Variants in CCDC146 observed in about 807,000 individuals in gnomAD.
CCDC146 encodes coiled-coil domain containing 146.
Under a neutral mutation model 119.3 loss-of-function variants are expected in CCDC146, and 92 were observed. The ratio of observed to expected loss-of-function variants is 0.77; its 90% confidence interval spans 0.65 to 0.92. The LOEUF (loss-of-function observed/expected upper bound fraction) is 0.92, where lower values mean the gene tolerates loss of function less well. CCDC146 is among the 40% of genes least tolerant of loss of function. CCDC146 has a pLI of 0.00. For missense variants in CCDC146, 1,000 were observed against 1,103.0 expected (o/e 0.91, Z 1.32); for synonymous variants, 372 against 371.8 (o/e 1.00, Z -0.01).
At chr7:77,188,022 G>A (rs973276462) in intron 2 of CCDC146, among the ~76,000 whole-genome samples, 4 of 152,196 alleles carry the variant, frequency 2.6e-5, no homozygotes, top group Admixed American at 1.3e-4. Flanking sequence ...GGCAAATGCC[G>A]AGCTGTAACC....
At chr7:77,247,427 G>A (rs1207646706) in intron 4 of CCDC146, among the ~76,000 whole-genome samples, 1 of 152,144 alleles carries the variant, frequency 6.6e-6, no homozygotes, top group Non-Finnish European at 1.5e-5. Context: ...CCGAGGTGTA[G>A]GATCAATACC....
chr7:77,149,060 C>T (rs1222401186), intron 1 of CCDC146, among the ~76,000 whole-genome samples: 1 of 152,180 alleles, frequency 6.6e-6, no homozygotes, highest in Non-Finnish European at 1.5e-5. Flanking sequence ...AGGCATCATG[C>T]TACCTGACTT....
At chr7:77,188,642 T>A (rs562013491) in intron 2 of CCDC146, among the ~76,000 whole-genome samples, 5 of 152,196 alleles carry the variant, frequency 3.3e-5, no homozygotes, top group Non-Finnish European at 5.9e-5. Flanking sequence ...ATTTGAGGCT[T>A]CAATCAGTCA....
chr7:77,161,719 A>C (rs1791265083), intron 1 of CCDC146, among the ~76,000 whole-genome samples: 1 of 151,752 alleles, frequency 6.6e-6, no homozygotes, highest in Admixed American at 6.6e-5. Flanking sequence ...GCACACCAGC[A>C]TGGCACATGT....
At chr7:77,270,475 A>C (rs1793490714) in intron 9 of CCDC146, among the ~76,000 whole-genome samples, 1 of 152,210 alleles carries the variant, frequency 6.6e-6, no homozygotes, top group African/African-American at 2.4e-5. Flanking sequence ...AAAGAAATGG[A>C]AAATATCTCA....
chr7:77,214,649 T>C (rs1299625840), intron 2 of CCDC146, among the ~76,000 whole-genome samples: 1 of 152,206 alleles, frequency 6.6e-6, no homozygotes, highest in East Asian at 1.9e-4. Flanking sequence ...CTTCTGAATA[T>C]AGCTAGCCAC....
chr7:77,226,960 T>G (rs947094394), intron 2 of CCDC146, among the ~76,000 whole-genome samples: 7 of 152,232 alleles, frequency 4.6e-5, no homozygotes, highest in African/African-American at 1.7e-4. Context: ...ACGTCTAGAT[T>G]ATGATTTTTT....
At chr7:77,208,289 A>T (rs1792116537) in intron 2 of CCDC146, among the ~76,000 whole-genome samples, 1 of 152,186 alleles carries the variant, frequency 6.6e-6, no homozygotes, top group Non-Finnish European at 1.5e-5. Context: ...GTTCTGAGAG[A>T]TGCAATATTA....
At chr7:77,237,779 A>G (rs1484523769) in intron 3 of CCDC146, among the ~76,000 whole-genome samples, 8 of 152,208 alleles carry the variant, frequency 5.3e-5, no homozygotes, top group Non-Finnish European at 1.2e-4. Flanking sequence ...AGCACTGGCT[A>G]TTAGCCACTG....
At chr7:77,132,538 G>C (rs1323248592) in intron 1 of CCDC146, among the ~76,000 whole-genome samples, 1 of 120,516 alleles carries the variant, frequency 8.3e-6, no homozygotes, top group Non-Finnish European at 1.6e-5. Context: ...GCAACATAGT[G>C]AGTCTCGATC....
chr7:77,282,772 T>C lies in CCDC146; in HGVS notation c.2135T>C (p.Val712Ala). The C allele has an allele frequency of 6.2e-7, 1 of 1,613,208 alleles. No homozygotes were observed. Among genetic ancestry groups the C allele is most frequent in the South Asian group, 1.1e-5 (1 of 91,032 alleles). Reference sequence around the variant, plus strand: ...AGGTCCCTGGATGCCGACCTAGCTGTGCTCCAAATTCAGGTGGGTGAGTGA... The same window carrying C: ...AGGTCCCTGGATGCCGACCTAGCTGCGCTCCAAATTCAGGTGGGTGAGTGA... ...AKRSLDADLA[V>A]LQIQFSQCTD... The change falls in exon 15 of 19, where the codon GTG becomes GCG. Residue 712 changes from valine (V) to alanine (A), a missense_variant. Coordinates refer to ENST00000285871, the MANE Select transcript of CCDC146 (RefSeq NM_020879.3).
At chr7:77,202,209 T>G (rs991499340) in intron 2 of CCDC146, among the ~76,000 whole-genome samples, 5 of 152,250 alleles carry the variant, frequency 3.3e-5, no homozygotes, top group African/African-American at 1.2e-4. Context: ...TTCTAGGCAC[T>G]TGGGCCACAC....
chr7:77,159,417 T>C (rs887562769), intron 1 of CCDC146, among the ~76,000 whole-genome samples: 6 of 152,244 alleles, frequency 3.9e-5, no homozygotes, highest in African/African-American at 1.4e-4. Flanking sequence ...TATTTCTCTG[T>C]CTGCCTAAAT....
chr7:77,278,805 G>A lies in CCDC146; in HGVS notation c.1494G>A (p.Arg498=). 1.2e-6 allele frequency: 2 copies of A among 1,613,006 alleles called. No homozygotes were observed. The highest frequency in any genetic ancestry group is 1.3e-5 in the African/African-American group (1 of 74,964). The change falls in exon 12 of 19, where the codon AGG becomes AGA. Residue 498 remains arginine, a synonymous_variant. Transcript: ENST00000285871. The part of the protein sequence containing the change: ...KEMKAKDLEI[R]IHKKKKCEIY... Reference sequence around the variant, plus strand: ...TGAAAGCAAAGGATCTTGAAATCAGGATACACAAGAAGAAAAAATGTGAAA... The same window carrying A: ...TGAAAGCAAAGGATCTTGAAATCAGAATACACAAGAAGAAAAAATGTGAAA...
chr7:77,134,786 A>C (rs1790838691), intron 1 of CCDC146, among the ~76,000 whole-genome samples: 1 of 152,160 alleles, frequency 6.6e-6, no homozygotes, highest in Non-Finnish European at 1.5e-5. Flanking sequence ...CAGGGTTGGT[A>C]CCTGAGCTGC....
chr7:77,187,428 A>T (rs139163864), intron 2 of CCDC146, among the ~76,000 whole-genome samples: 222 of 152,370 alleles, frequency 1.5e-3, no homozygotes, highest in Non-Finnish European at 2.7e-3. Flanking sequence ...ACATAAGCTC[A>T]GTCCAAAATA....
rs556650809 is a variant in CCDC146, at chr7:77,126,408, G to A, written c.-12+3676G>A. 8.6e-4 allele frequency among the ~76,000 whole-genome samples: 131 copies of A among 152,134 alleles called. 5 individuals carry two copies. The highest frequency in any genetic ancestry group is 3.0e-3 in the African/African-American group (125 of 41,416). On this transcript the variant is annotated intron_variant, in intron 1 of 18. Coordinates refer to ENST00000285871, the MANE Select transcript of CCDC146 (RefSeq NM_020879.3). Reference sequence around the variant, plus strand: ...CCTGCATCCAGGAAGAATGAGGTACGCAGACAAGTGAAGGGTGAACGAGAC... The same window carrying A: ...CCTGCATCCAGGAAGAATGAGGTACACAGACAAGTGAAGGGTGAACGAGAC...
At chr7:77,139,502 C>T (rs374377211) in intron 1 of CCDC146, among the ~76,000 whole-genome samples, 5 of 152,152 alleles carry the variant, frequency 3.3e-5, no homozygotes, top group Admixed American at 6.6e-5. Context: ...TGAACTCTAA[C>T]GTAAACGATG....
At chr7:77,212,404 G>A (rs1046416145) in intron 2 of CCDC146, among the ~76,000 whole-genome samples, 19 of 151,912 alleles carry the variant, frequency 1.3e-4, no homozygotes, top group Admixed American at 1.0e-3. Context: ...GGCGGATCAC[G>A]AGGTCAGGAG....
Sources: allele counts gnomAD v4.1 joint callset (sites outside exome capture counted in the v4.1 genomes callset), GRCh38; gene constraint gnomAD v4.1.1; transcripts MANE v1.5; gene names NCBI Gene and HGNC (gene_info 2026-07-23, HGNC 2026-07-21).